The following CFAP47 variants were observed in gnomAD, a reference collection of about 807,000 sequenced individuals.
CFAP47 encodes the protein cilia- and flagella-associated protein 47.
In CFAP47, 29 loss-of-function variants were observed where a neutral mutation model predicts 148.1. The ratio of observed to expected loss-of-function variants is 0.20; its 90% CI spans 0.15 to 0.27. CFAP47 has a LOEUF of 0.27. Among genes scored for constraint, CFAP47 ranks in the 10% least tolerant of loss-of-function variants. The pLI is 1.00. For missense variants in CFAP47, 1,872 were observed against 1,697.5 expected (o/e 1.10, Z -1.81); for synonymous variants, 664 against 577.3 (o/e 1.15, Z -2.15).
chrX:35,954,226 T>C (rs1235480885), intron 7 of CFAP47, among the ~76,000 whole-genome samples: 1 of 111,210 alleles, frequency 9.0e-6, no homozygotes, highest in African/African-American at 3.3e-5. Context: ...TTATATGTTT[T>C]ATATTCTCAG....
At chrX:36,342,680 C>A (rs941273723) in intron 57 of CFAP47, among the ~76,000 whole-genome samples, 2 of 111,928 alleles carry the variant, frequency 1.8e-5, no homozygotes, top group Middle Eastern at 4.3e-3. Context: ...AAATTCTTCA[C>A]TTCATACATG....
At chrX:36,296,271 T>C (rs782572669) in intron 51 of CFAP47, among the ~76,000 whole-genome samples, 2 of 112,148 alleles carry the variant, frequency 1.8e-5, no homozygotes, top group South Asian at 7.3e-4. Context: ...TCTTGTTAGA[T>C]AGGTTGTAGT....
intron 1 of CFAP47, among the ~76,000 whole-genome samples, chrX:35,924,135 ATG>A (rs1479688549): frequency 1.0e-5 from 1 of 99,504 alleles, no homozygotes; most frequent in Non-Finnish European, 2.0e-5. Flanking sequence ...ATATATGTAT[ATG>A]TGTACATGTA....
chrX:36,037,693 A>C (rs1937355087), intron 24 of CFAP47, among the ~76,000 whole-genome samples: 1 of 111,064 alleles, frequency 9.0e-6, no homozygotes, highest in Non-Finnish European at 1.9e-5. Flanking sequence ...ACCCTTTAAG[A>C]GGTCTGAAAT....
At chrX:35,924,253 G>GTGTATATAT in intron 1 of CFAP47, among the ~76,000 whole-genome samples, 1 of 79,844 alleles carries the variant, frequency 1.3e-5, no homozygotes, top group South Asian at 5.1e-4. Context: ...GTGTGCATAT[G>GTGTATATAT]GACATGTATG....
chrX:36,017,149 G>A (rs188269123), intron 22 of CFAP47, among the ~76,000 whole-genome samples: 4 of 111,343 alleles, frequency 3.6e-5, no homozygotes, highest in East Asian at 2.8e-4. Context: ...GGCATATACC[G>A]AAAAGAAAGG....
chrX:36,120,168 A>ATT (rs373069862), intron 33 of CFAP47, among the ~76,000 whole-genome samples: 5 of 98,007 alleles, frequency 5.1e-5, no homozygotes, highest in African/African-American at 1.5e-4. Flanking sequence ...CACCCAGGTA[A>ATT]TTTTTTTTTT....
chrX:36,158,789 A>G (rs759898534), intron 37 of CFAP47, among the ~76,000 whole-genome samples: 2 of 111,385 alleles, frequency 1.8e-5, no homozygotes, highest in South Asian at 7.7e-4. Context: ...GCATTTTTAC[A>G]GTGCATATGT....
intron 22 of CFAP47, among the ~76,000 whole-genome samples, chrX:36,015,775 T>G (rs1001023744): frequency 1.8e-5 from 2 of 111,888 alleles, no homozygotes; most frequent in African/African-American, 6.5e-5. Flanking sequence ...GTAGATAAGC[T>G]TTCAAAACAT....
intron 29 of CFAP47, among the ~76,000 whole-genome samples, chrX:36,078,046 A>G (rs1033932762): frequency 8.9e-6 from 1 of 111,986 alleles, no homozygotes; most frequent in Non-Finnish European, 1.9e-5. Flanking sequence ...AGAAAAAAAA[A>G]AGAAAAATCT....
intron 63 of CFAP47, among the ~76,000 whole-genome samples, chrX:36,384,170 G>A (rs909777688): frequency 9.1e-5 from 10 of 109,593 alleles, no homozygotes; most frequent in African/African-American, 3.0e-4. Context: ...GAGATACCCC[G>A]TCTCTACTAA....
chrX:36,322,496 A>C (rs1941486370), intron 57 of CFAP47, among the ~76,000 whole-genome samples: 1 of 111,182 alleles, frequency 9.0e-6, no homozygotes, highest in Non-Finnish European at 1.9e-5. Context: ...TACAAAACAA[A>C]AATATAAACC....
chrX:36,278,851 T>A (rs1490453699), intron 49 of CFAP47, among the ~76,000 whole-genome samples: 1 of 112,003 alleles, frequency 8.9e-6, no homozygotes, highest in Non-Finnish European at 1.9e-5. Context: ...TATTTAGGAC[T>A]ACCAACATTT....
At chrX:36,165,120 A>G (rs1458798219) in intron 39 of CFAP47, among the ~76,000 whole-genome samples, 1 of 111,984 alleles carries the variant, frequency 8.9e-6, no homozygotes, top group Non-Finnish European at 1.9e-5. Context: ...TTACAGATGC[A>G]AGACTTCCTC....
chrX:36,384,024 A>G (rs1321495863), intron 63 of CFAP47, among the ~76,000 whole-genome samples: 1 of 111,754 alleles, frequency 8.9e-6, no homozygotes, highest in African/African-American at 3.3e-5. Context: ...ATCCTACATC[A>G]TTTGTGGTAT....
At chrX:35,954,555 A>T (rs139139318) in intron 7 of CFAP47, among the ~76,000 whole-genome samples, 1 of 111,864 alleles carries the variant, frequency 8.9e-6, no homozygotes, top group South Asian at 3.7e-4. Flanking sequence ...ACATTTGTAC[A>T]AAGTTTACAG....
intron 45 of CFAP47, among the ~76,000 whole-genome samples, chrX:36,209,246 T>A (rs1555989169): frequency 8.9e-6 from 1 of 111,891 alleles, no homozygotes; most frequent in Non-Finnish European, 1.9e-5. Flanking sequence ...TAACAAGGGT[T>A]AAGCTTGTGT....
At chrX:36,173,705 G>A (rs747734169) in intron 39 of CFAP47, among the ~76,000 whole-genome samples, 38 of 111,704 alleles carry the variant, frequency 3.4e-4, no homozygotes, top group Middle Eastern at 4.7e-3. Context: ...TTGCTGAGGA[G>A]AGCTTTACTT....
intron 37 of CFAP47, among the ~76,000 whole-genome samples, chrX:36,153,515 C>T (rs1939332953): frequency 8.9e-6 from 1 of 111,866 alleles, no homozygotes; most frequent in Admixed American, 9.5e-5. Flanking sequence ...AATCTTGCTC[C>T]AATGTCTCTA....
Sources: allele counts gnomAD v4.1 joint callset (sites outside exome capture counted in the v4.1 genomes callset), GRCh38; gene constraint gnomAD v4.1.1; transcripts MANE v1.5; gene names NCBI Gene and HGNC (gene_info 2026-07-23, HGNC 2026-07-21).